The following RALYL variants were observed in gnomAD, a reference collection of about 807,000 sequenced individuals.
RALYL encodes RNA-binding Raly-like protein.
Under a neutral mutation model 35.1 loss-of-function variants are expected in RALYL, and 29 were observed. The observed-to-expected ratio is 0.83, with a 90% CI of 0.61 to 1.13. The LOEUF is 1.13. Among genes scored for constraint, RALYL ranks in the 50% most tolerant of loss-of-function variants. The pLI, the probability that RALYL is intolerant of heterozygous loss-of-function variation, is 0.00. For synonymous variants in RALYL, 120 were observed against 127.6 expected, an observed-to-expected ratio of 0.94 and a Z score of 0.40; for missense variants, 359 against 360.4, an observed-to-expected ratio of 1.00 and a Z score of 0.03.
intron 2 of RALYL, among the ~76,000 whole-genome samples, chr8:84,738,176 T>A (rs1847660255): frequency 6.6e-6 from 1 of 151,940 alleles, no homozygotes; most frequent in Admixed American, 6.6e-5. Flanking sequence ...TCACATAGTA[T>A]AGTATAATTA....
At chr8:84,411,249 C>A (rs1030745127) in intron 1 of RALYL, among the ~76,000 whole-genome samples, 4 of 151,908 alleles carry the variant, frequency 2.6e-5, no homozygotes, top group African/African-American at 9.7e-5. Context: ...CAGAACATCA[C>A]TGGACAAAAT....
chr8:84,575,930 C>T (rs1809296991), intron 2 of RALYL, among the ~76,000 whole-genome samples: 1 of 146,344 alleles, frequency 6.8e-6, no homozygotes, highest in Non-Finnish European at 1.5e-5. Flanking sequence ...AGTTAGAGAC[C>T]AGGCCTGGGC....
intron 1 of RALYL, among the ~76,000 whole-genome samples, chr8:84,460,600 G>A (rs2050656158): frequency 6.6e-6 from 1 of 151,470 alleles, no homozygotes; most frequent in Admixed American, 6.6e-5. Flanking sequence ...TAAAAAAGGG[G>A]GAAAAGCCTA....
intron 1 of RALYL, among the ~76,000 whole-genome samples, chr8:84,287,516 A>G (rs1034189524): frequency 1.3e-5 from 2 of 152,148 alleles, no homozygotes; most frequent in Non-Finnish European, 2.9e-5. Flanking sequence ...AAGAAGGGTC[A>G]TGGGTGGCAT....
At chr8:84,224,386 C>T (rs952772478) in intron 1 of RALYL, among the ~76,000 whole-genome samples, 1 of 152,084 alleles carries the variant, frequency 6.6e-6, no homozygotes, top group African/African-American at 2.4e-5. Context: ...GGAGACTGGA[C>T]AGAACTGGAT....
At chr8:84,650,965 A>G (rs566532080) in intron 2 of RALYL, among the ~76,000 whole-genome samples, 92 of 152,116 alleles carry the variant, frequency 6.0e-4, no homozygotes, top group Non-Finnish European at 1.1e-3. Context: ...GTAAACTATC[A>G]CAAGAACAAA....
At chr8:84,415,205 G>GTTTTTT (rs33962115) in intron 1 of RALYL, among the ~76,000 whole-genome samples, 5 of 54,652 alleles carry the variant, frequency 9.1e-5, no homozygotes, top group Admixed American at 1.7e-4. Context: ...GCAGACACTC[G>GTTTTTT]TTTTTTTTTT....
At chr8:84,451,618 A>C (rs780780231) in intron 1 of RALYL, among the ~76,000 whole-genome samples, 3 of 152,010 alleles carry the variant, frequency 2.0e-5, no homozygotes, top group Non-Finnish European at 2.9e-5. Flanking sequence ...TGCCACTTTA[A>C]GATCAATATA....
rs190865039 is a variant in RALYL at position 84,664,773 on chromosome 8, C to G, written c.257-109806C>G. ...GATATAGGATCGTGTCATCTACAAACAGGGATGGTTTGACTTCCTCTCTTT... is the reference window on the plus strand; with the variant it reads ...GATATAGGATCGTGTCATCTACAAAGAGGGATGGTTTGACTTCCTCTCTTT... On this transcript the variant is annotated intron_variant, in intron 2 of 8. Transcript: ENST00000521268. Among the ~76,000 whole-genome samples, 555 of 152,182 alleles carry G rather than the reference C, an allele frequency of 3.6e-3. 6 individuals are homozygous for G. The highest frequency in any genetic ancestry group is 0.013 in the African/African-American group (534 of 41,540).
intron 1 of RALYL, among the ~76,000 whole-genome samples, chr8:84,450,887 G>A (rs1168016064): frequency 6.6e-6 from 1 of 151,860 alleles, no homozygotes; most frequent in Non-Finnish European, 1.5e-5. Context: ...TTAAAAAATT[G>A]ATAATAAATC....
At chr8:84,418,414 G>C (rs1187156619) in intron 1 of RALYL, among the ~76,000 whole-genome samples, 5 of 152,038 alleles carry the variant, frequency 3.3e-5, no homozygotes, top group Admixed American at 3.3e-4. Context: ...AAATGTCTAT[G>C]ACAATTTAAT....
intron 1 of RALYL, among the ~76,000 whole-genome samples, chr8:84,219,862 T>TATAGATAG (rs57823121): frequency 1.1e-3 from 167 of 151,038 alleles, no homozygotes; most frequent in Non-Finnish European, 2.0e-3. Flanking sequence ...ACAGAAGACG[T>TATAGATAG]ATAGATAGAT....
intron 2 of RALYL, among the ~76,000 whole-genome samples, chr8:84,592,509 C>T (rs1397230158): frequency 1.3e-5 from 2 of 152,084 alleles, no homozygotes; most frequent in East Asian, 3.9e-4. Flanking sequence ...GTGGAAGTTT[C>T]TGCCATAATT....
chr8:84,837,421 C>T (rs1480568128), intron 4 of RALYL, among the ~76,000 whole-genome samples: 9 of 151,978 alleles, frequency 5.9e-5, no homozygotes, highest in Non-Finnish European at 5.9e-5. Context: ...CCTACTTGTG[C>T]TAGGAAATTT....
At chr8:84,206,455 G>T (rs551886482) in intron 1 of RALYL, among the ~76,000 whole-genome samples, 5 of 152,192 alleles carry the variant, frequency 3.3e-5, no homozygotes, top group African/African-American at 1.2e-4. Flanking sequence ...TTTCATCAAG[G>T]CTATATACAC....
At chr8:84,529,053 C>A (rs2059099340) in intron 1 of RALYL, among the ~76,000 whole-genome samples, 1 of 152,076 alleles carries the variant, frequency 6.6e-6, no homozygotes, top group Admixed American at 6.6e-5. Context: ...CAGTCATTAA[C>A]AAATCAAGAA....
chr8:84,316,606 T>C (rs2130190212), intron 1 of RALYL, among the ~76,000 whole-genome samples: 1 of 152,292 alleles, frequency 6.6e-6, no homozygotes, highest in Non-Finnish European at 1.5e-5. Context: ...TCTGTAGTTG[T>C]TTTCCTGGCA....
intron 1 of RALYL, among the ~76,000 whole-genome samples, chr8:84,462,298 T>TTG (rs1309483105): frequency 6.6e-6 from 1 of 151,672 alleles, no homozygotes; most frequent in Non-Finnish European, 1.5e-5. Context: ...TGTTATCATA[T>TTG]TGTTGCATTT....
At chr8:84,798,377 A>G (rs1822426395) in intron 3 of RALYL, among the ~76,000 whole-genome samples, 2 of 152,180 alleles carry the variant, frequency 1.3e-5, no homozygotes, top group South Asian at 4.1e-4. Flanking sequence ...TTAACCATTT[A>G]TCCACTATTT....
Sources: gnomAD v4.1 joint callset for allele counts (sites outside exome capture counted in the v4.1 genomes callset) on GRCh38, gnomAD v4.1.1 for gene constraint, MANE v1.5 for transcripts, NCBI Gene and HGNC (gene_info 2026-07-23, HGNC 2026-07-21) for gene names.